STS: variants seen among roughly 807,000 people sequenced by gnomAD.
The protein encoded by STS is steryl-sulfatase.
A neutral mutation model predicts 26.8 loss-of-function variants in STS; 7 were observed. The ratio of observed to expected loss-of-function variants is 0.26; its 90% CI spans 0.15 to 0.49. The LOEUF (loss-of-function observed/expected upper bound fraction) is 0.49, where lower values mean the gene tolerates loss of function less well. STS is among the 20% of genes least tolerant of loss of function. The pLI is 0.98. For synonymous variants in STS, 199 were observed against 189.4 expected (o/e 1.05, Z -0.42); for missense variants, 434 against 465.6 (o/e 0.93, Z 0.63).
At chrX:7,324,095 G>C (rs1309535612) in intron 8 of STS, among the ~76,000 whole-genome samples, 1 of 109,559 alleles carries the variant, frequency 9.1e-6, no homozygotes. Flanking sequence ...ATTTTAGGGA[G>C]ACATACAGCA....
chrX:7,319,976 ATG>A (rs1477137085), intron 8 of STS, among the ~76,000 whole-genome samples: 1 of 86,969 alleles, frequency 1.1e-5, no homozygotes, highest in Non-Finnish European at 2.1e-5. Flanking sequence ...TTTTATATAT[ATG>A]TATATATATT....
intron 2 of STS, among the ~76,000 whole-genome samples, chrX:7,239,562 A>G (rs1199829361): frequency 9.0e-6 from 1 of 111,696 alleles, no homozygotes; most frequent in East Asian, 2.8e-4. Flanking sequence ...TCTCTTTCCT[A>G]ATGATGCTGT....
At chrX:7,344,572 A>C (rs1396974770) in intron 10 of STS, among the ~76,000 whole-genome samples, 1 of 111,471 alleles carries the variant, frequency 9.0e-6, no homozygotes, top group Non-Finnish European at 1.9e-5. Context: ...GGCTGGGAAA[A>C]GACATACCAC....
At chrX:7,273,548 G>A (rs1210899168) in intron 6 of STS, among the ~76,000 whole-genome samples, 1 of 111,929 alleles carries the variant, frequency 8.9e-6, no homozygotes, top group Non-Finnish European at 1.9e-5. Context: ...AAGAAGGAAC[G>A]CTGCTCAGAG....
intron 7 of STS, among the ~76,000 whole-genome samples, chrX:7,280,836 G>GA (rs1924821842): frequency 8.9e-6 from 1 of 112,521 alleles, no homozygotes; most frequent in Non-Finnish European, 1.9e-5. Flanking sequence ...CTATTACAAA[G>GA]AAAAATTCAA....
At chrX:7,159,783 G>C (rs1933205841) in intron 1 of STS, among the ~76,000 whole-genome samples, 1 of 112,478 alleles carries the variant, frequency 8.9e-6, no homozygotes, top group South Asian at 3.7e-4. Flanking sequence ...GTGGGGCACT[G>C]GGGGAGAGGA....
At chrX:7,148,341 C>G (rs1349263245) in intron 1 of STS, among the ~76,000 whole-genome samples, 3 of 112,349 alleles carry the variant, frequency 2.7e-5, no homozygotes, top group Non-Finnish European at 3.8e-5. Flanking sequence ...ACCCGGGATG[C>G]GGCGCGGGCC....
chrX:7,261,325 A>C (rs1298076882), intron 6 of STS, among the ~76,000 whole-genome samples: 1 of 111,865 alleles, frequency 8.9e-6, no homozygotes, highest in African/African-American at 3.2e-5. Context: ...GCATGACACA[A>C]AATTGTAAAA....
At chrX:7,205,577 T>C (rs1381731712) in intron 2 of STS, among the ~76,000 whole-genome samples, 2 of 83,980 alleles carry the variant, frequency 2.4e-5, no homozygotes, top group Non-Finnish European at 4.5e-5. Context: ...TTGGAAATTA[T>C]TTGGTTTTCT....
intron 7 of STS, among the ~76,000 whole-genome samples, chrX:7,297,044 A>T (rs1361521716): frequency 1.8e-5 from 2 of 112,172 alleles, no homozygotes; most frequent in South Asian, 7.4e-4. Flanking sequence ...AATAATTCCG[A>T]TTATATGCAT....
intron 2 of STS, among the ~76,000 whole-genome samples, chrX:7,231,879 C>G (rs934712626): frequency 1.5e-5 from 1 of 66,300 alleles, no homozygotes; most frequent in Non-Finnish European, 2.9e-5. Context: ...TTGGTAAATT[C>G]TTTTTATTCC....
At chrX:7,250,988 T>C (rs180975424) in intron 2 of STS, among the ~76,000 whole-genome samples, 2 of 112,654 alleles carry the variant, frequency 1.8e-5, no homozygotes, top group East Asian at 5.6e-4. Context: ...TTGAGTATTT[T>C]GCACCAAGTT....
At chrX:7,326,000 G>A (rs920422969) in intron 9 of STS, among the ~76,000 whole-genome samples, 7 of 111,936 alleles carry the variant, frequency 6.3e-5, no homozygotes, top group African/African-American at 1.9e-4. Flanking sequence ...GGGGAAAGTT[G>A]GAGTCATATT....
intron 5 of STS, among the ~76,000 whole-genome samples, chrX:7,258,319 G>C (rs1164991612): frequency 2.8e-5 from 3 of 106,915 alleles, no homozygotes; most frequent in African/African-American, 1.0e-4. Flanking sequence ...AATAGATGCA[G>C]GGAGAGAGAC....
At position 7,311,963 on chromosome X, in the gene STS, G is replaced by A. The variant is rs1016178013; in HGVS notation, c.1081+6780G>A. On this transcript the variant is annotated intron_variant, in intron 8 of 10. Coordinates refer to ENST00000674429, the MANE Select transcript of STS (RefSeq NM_001320752.2). ...GATCGCTTGAGCCCAGGAAGTCGAG[G>A]CTGCAGTGAGCTATGATTGCACCAC... 4.5e-5 allele frequency among the ~76,000 whole-genome samples: 5 copies of A among 111,227 alleles called. No homozygotes were observed. The South Asian group carries it at 1.1e-3, about 25-fold the overall frequency.
intron 6 of STS, among the ~76,000 whole-genome samples, chrX:7,264,930 C>T (rs1923926922): frequency 9.0e-6 from 1 of 110,550 alleles, no homozygotes; most frequent in African/African-American, 3.3e-5. Flanking sequence ...TAGTAAGGTG[C>T]ACATAGATAT....
intron 2 of STS, among the ~76,000 whole-genome samples, chrX:7,203,550 A>G (rs935660858): frequency 8.9e-6 from 1 of 111,736 alleles, no homozygotes; most frequent in African/African-American, 3.3e-5. Flanking sequence ...CTCCATCAGT[A>G]GGAATACACT....
chrX:7,148,320 T>C (rs1028648925), intron 1 of STS: 2 of 260,643 alleles, frequency 7.7e-6, no homozygotes, highest in Admixed American at 1.3e-4. Flanking sequence ...TCGCCGCAGC[T>C]GTAGCTGCAG....
intron 2 of STS, among the ~76,000 whole-genome samples, chrX:7,226,881 C>T (rs1245234451): frequency 3.6e-5 from 4 of 112,028 alleles, no homozygotes; most frequent in Non-Finnish European, 5.6e-5. Context: ...GGTGACAGAG[C>T]ATGACCCTGT....
Sources: gnomAD v4.1 joint callset for allele counts (sites outside exome capture counted in the v4.1 genomes callset) on GRCh38, gnomAD v4.1.1 for gene constraint, MANE v1.5 for transcripts, NCBI Gene and HGNC (gene_info 2026-07-23, HGNC 2026-07-21) for gene names.